Variants in PCGF2 observed in about 807,000 individuals in gnomAD.
PCGF2 encodes the protein polycomb group ring finger 2.
Under a neutral mutation model 36.1 loss-of-function variants are expected in PCGF2, and 8 were observed. That is an observed-to-expected ratio of 0.22 (90% confidence interval 0.13 to 0.40). The LOEUF (loss-of-function observed/expected upper bound fraction) is 0.40. Ranked by LOEUF, PCGF2 falls within the 10% of genes least tolerant of loss-of-function variation. The probability of loss-of-function intolerance (pLI) is 1.00; values close to 1 mark genes in which losing one functional copy is unlikely to be tolerated. For missense variants in PCGF2, 436 were observed against 475.9 expected, an observed-to-expected ratio of 0.92 and a Z score of 0.78; for synonymous variants, 198 against 191.2, an observed-to-expected ratio of 1.04 and a Z score of -0.29.
rs1054853767 is a variant in PCGF2, at chr17:38,748,212, G to A, written c.-150C>T. 5 of 147,396 alleles carry A rather than the reference G, an allele frequency of 3.4e-5. No homozygotes were observed. The highest frequency in any genetic ancestry group is 3.2e-3 in the Middle Eastern group (1 of 308). The allele number at this position is 147,396 out of a possible 1,614,324, so 9.1% of individuals were successfully genotyped here. A position where few individuals can be genotyped will look rare whatever the true frequency, so the allele number is the denominator to read the frequency against. On this transcript the variant is annotated 5_prime_UTR_variant, in exon 1 of 11. Coordinates refer to ENST00000620225, the MANE Select transcript of PCGF2 (RefSeq NM_007144.3). ...TCCGCTTACCTGGGTTCGGGGTCCGGTGGGTCTCGGGGAGGGGGGGATGGG... is the reference window on the plus strand; with the variant it reads ...TCCGCTTACCTGGGTTCGGGGTCCGATGGGTCTCGGGGAGGGGGGGATGGG...
At position 38,739,733 on chromosome 17, in the gene PCGF2, G is replaced by A. The variant is rs1907048821; in HGVS notation, c.113-51C>T. ...GAGTCAGAGCCAACTTCCAACTCCA[G>A]GACCAGCCTCCCCGCCCTCTGCTCA... On this transcript the variant is annotated intron_variant, in intron 3 of 10. Transcript: ENST00000620225. The surrounding 1 kb of genome is among the most constrained non-coding windows in gnomAD (Gnocchi z 4.0). 1.5e-6 allele frequency: 2 copies of A among 1,341,376 alleles called. No individual in the cohort carries two copies. Among genetic ancestry groups the A allele is most frequent in the Non-Finnish European group, 2.1e-6 (2 of 931,214 alleles). The allele number at this position is 1,341,376 out of a possible 1,614,324, so 83.1% of individuals were successfully genotyped here. A position where few individuals can be genotyped will look rare whatever the true frequency, so the allele number is the denominator to read the frequency against.
Position 38,735,366 on chromosome 17 carries a change from T to C in PCGF2, c.892A>G (p.Thr298Ala), listed in dbSNP as rs775970031. The change falls in exon 11 of 11, where the codon ACC (threonine) becomes GCC (alanine). Residue 298 changes from threonine to alanine, a missense_variant. By Grantham distance (58) the Thr-to-Ala change is moderately conservative. Transcript: ENST00000620225. ...GCTGTCGAAGGGGGAGTGGGGGAGG[T>C]AGGGTGGGTGGCTGGAGGCCCATGG... is the stretch of plus-strand genomic sequence containing the variant. ...SSHGPPATHPTSPTPPSTASG... is the reference protein window; with the variant it reads ...SSHGPPATHPASPTPPSTASG... 1 of 1,543,508 alleles carries C rather than the reference T, an allele frequency of 6.5e-7. No individual in the cohort carries two copies.
chr17:38,742,698 C>A (rs1907280069), intron 2 of PCGF2, among the ~76,000 whole-genome samples: 1 of 152,214 alleles, frequency 6.6e-6, no homozygotes, highest in Non-Finnish European at 1.5e-5. Context: ...TCCATAGTAA[C>A]CCTGTCCCTG....
In PCGF2 at chr17:38,735,078, T is replaced by C. The variant is rs1352350958; in HGVS notation, c.*145A>G. 3 of 416,002 alleles carry C rather than the reference T, an allele frequency of 7.2e-6. No homozygotes were observed. The highest frequency in any genetic ancestry group is 4.4e-5 in the Admixed American group (1 of 22,952). The allele number at this position is 416,002 out of a possible 1,614,324, so 25.8% of individuals were successfully genotyped here. A position where few individuals can be genotyped will look rare whatever the true frequency, so the allele number is the denominator to read the frequency against. ...GTATATTTGGTTTTTCCTATGTACA[T>C]ATATATATATATTTATTTATAAAAC... On this transcript the variant is annotated 3_prime_UTR_variant, in exon 11 of 11. Transcript: ENST00000620225.
intron 10 of PCGF2, 108 bp downstream of exon 10, chr17:38,735,982 G>A (rs932976282): frequency 1.3e-6 from 1 of 795,622 alleles, no homozygotes; most frequent in South Asian, 1.5e-5. Context: ...CAGCTCATGG[G>A]ATAAGGGACA....
rs748930737 is a variant in PCGF2, at chr17:38,738,737, C to T, written c.425+16G>A. ...AGACTAGGAACCCAGAAGGGGCCAG[C>T]CTGGGCCAGACTTGCCTGGCACCTT... On this transcript the variant is annotated intron_variant, in intron 7 of 10. Coordinates refer to ENST00000620225, the MANE Select transcript of PCGF2 (RefSeq NM_007144.3). 1.2e-6 allele frequency: 2 copies of T among 1,603,088 alleles called. No individual in the cohort carries two copies. The highest frequency in any genetic ancestry group is 1.7e-6 in the Non-Finnish European group (2 of 1,170,060).
rs370577333 is a variant in PCGF2, at chr17:38,735,478, G to A, written c.780C>T (p.Ser260=). The change falls in exon 11 of 11, where the codon AGC becomes AGT. Residue 260 remains serine (S), a synonymous_variant. Transcript: ENST00000620225. ...TSGASECESV[S]DKAPSPATLP... is the part of the protein sequence containing the mutation. ...GGGTGGCAGGGCTGGGAGCCTTGTC[G>A]CTGACTGACTCACACTCGGACGCCC... 2.0e-5 allele frequency: 32 copies of A among 1,591,900 alleles called. No individual in the cohort carries two copies. The African/African-American group carries it at 2.8e-4, about 14-fold the overall frequency.
chr17:38,738,468 C>T lies in PCGF2; in HGVS notation c.481-20G>A. 6.2e-7 allele frequency: 1 copy of T among 1,613,832 alleles called. No individual in the cohort carries two copies. Among genetic ancestry groups the T allele is most frequent in the Non-Finnish European group, 8.5e-7 (1 of 1,179,710 alleles). On this transcript the variant is annotated intron_variant, in intron 8 of 10. Transcript: ENST00000620225. ...CCCTGTCTGCTGGGGCACAGGCACC[C>T]ATGGTAGGGGATCCACCCCAGGCCA... is the stretch of plus-strand genomic sequence containing the variant.
At chr17:38,745,441 G>A (rs1907476536) in intron 2 of PCGF2, among the ~76,000 whole-genome samples, 2 of 152,250 alleles carry the variant, frequency 1.3e-5, no homozygotes, top group South Asian at 2.1e-4. Flanking sequence ...GGAGGCAGAG[G>A]TTGCAGTGAG....
intron 2 of PCGF2, among the ~76,000 whole-genome samples, chr17:38,743,064 C>T (rs931291712): frequency 6.6e-6 from 1 of 151,562 alleles, no homozygotes; most frequent in African/African-American, 2.4e-5. Context: ...CATTCACACA[C>T]TCGCTGTGTT....
At chr17:38,745,261 G>T (rs999903078) in intron 2 of PCGF2, among the ~76,000 whole-genome samples, 1 of 152,244 alleles carries the variant, frequency 6.6e-6, no homozygotes, top group Admixed American at 6.5e-5. Context: ...GAATCCAGGA[G>T]GCAGAGGTTG....
intron 10 of PCGF2, among the ~76,000 whole-genome samples, chr17:38,735,831 C>T (rs1284035272): frequency 6.6e-6 from 1 of 152,122 alleles, no homozygotes; most frequent in Admixed American, 6.5e-5. Flanking sequence ...GGGAGGCAAA[C>T]ACACGGCAGC....
chr17:38,735,612 G>T lies in PCGF2; in HGVS notation c.658-12C>A. The stretch of plus-strand genomic sequence containing the variant: ...GGGAGAGGCCCGTTCTGCGGGGAGA[G>T]TGGGGAGGAGAGACACAGGGAAGGG... On this transcript the variant is annotated splice_polypyrimidine_tract_variant and intron_variant, in intron 10 of 10. Transcript: ENST00000620225. The T allele has an allele frequency of 3.2e-6, 5 of 1,543,732 alleles. No homozygotes were observed. The highest frequency in any genetic ancestry group is 4.4e-6 in the Non-Finnish European group (5 of 1,140,474).
chr17:38,738,828 A>G lies in PCGF2; in HGVS notation c.350T>C (p.Val117Ala). The change falls in exon 7 of 11, where the codon GTC becomes GCC. Residue 117 changes from valine (V) to alanine (A), a missense_variant. By Grantham distance (64) the Val-to-Ala change is moderately conservative. Coordinates refer to ENST00000620225, the MANE Select transcript of PCGF2 (RefSeq NM_007144.3). Reference protein sequence around the residue: ...PNGSNEDRGEVLEQEKGALSD... With the variant: ...PNGSNEDRGEALEQEKGALSD... The stretch of plus-strand genomic sequence containing the variant: ...CAGAGCCCCCTTCTCCTGCTCCAAG[A>G]CCTCGCCGCGGTCCTCATTGGAGCC... 1 of 1,613,984 alleles carries G rather than the reference A, an allele frequency of 6.2e-7. No individual in the cohort carries two copies. Among genetic ancestry groups the G allele is most frequent in the Non-Finnish European group, 8.5e-7 (1 of 1,179,934 alleles).
intron 9 of PCGF2, among the ~76,000 whole-genome samples, chr17:38,737,950 T>C (rs1906892737): frequency 6.8e-6 from 1 of 146,418 alleles, no homozygotes; most frequent in Non-Finnish European, 1.5e-5. Context: ...ATCTACTAAA[T>C]AAATCAGAAT....
chr17:38,741,434 C>T (rs572146943), intron 2 of PCGF2, among the ~76,000 whole-genome samples: 3 of 152,282 alleles, frequency 2.0e-5, no homozygotes, highest in South Asian at 4.1e-4. Flanking sequence ...CTTACTCCCT[C>T]AACCCCTCCA....
chr17:38,738,727 A>C, intron 7 of PCGF2, 26 bp downstream of exon 7: 2 of 1,597,574 alleles, frequency 1.3e-6, no homozygotes, highest in South Asian at 2.2e-5. Context: ...AGGAACCCAG[A>C]AGGGGCCAGC....
At position 38,739,382 on chromosome 17, in the gene PCGF2, C is replaced by A; in HGVS notation, c.210-129G>T. The A allele has an allele frequency of 1.0e-6, 1 of 953,216 alleles. No homozygotes were observed. The highest frequency in any genetic ancestry group is 1.9e-5 in the Admixed American group (1 of 51,952). The allele number at this position is 953,216 out of a possible 1,614,324, so 59.0% of individuals were successfully genotyped here. A position where few individuals can be genotyped will look rare whatever the true frequency, so the allele number is the denominator to read the frequency against. Reference sequence around the variant, plus strand: ...AGACCGGTGCCCAGGCATTAGGATCCCTGTGGGTCTGGTCTTTGCCCCTCT... The same window carrying A: ...AGACCGGTGCCCAGGCATTAGGATCACTGTGGGTCTGGTCTTTGCCCCTCT... On this transcript the variant is annotated intron_variant, in intron 4 of 10. Coordinates refer to ENST00000620225, the MANE Select transcript of PCGF2 (RefSeq NM_007144.3). This position sits in a 1 kb window ranked among gnomAD's most constrained non-coding sequence, Gnocchi z 4.0.
rs745436910 is a variant in PCGF2 at position 38,740,278 on chromosome 17, C to A, written c.112+13G>T. On this transcript the variant is annotated intron_variant, in intron 3 of 10. Transcript: ENST00000620225. The stretch of plus-strand genomic sequence containing the variant: ...GCTGCCCACCCTGAGCAGCTCCCCT[C>A]CCCCCAACTCACAGGAATGCAGGCA... 4 of 1,608,432 alleles carry A rather than the reference C, an allele frequency of 2.5e-6. No homozygotes were observed. The highest frequency in any genetic ancestry group is 1.6e-4 in the Middle Eastern group (1 of 6,078).
Sources: allele counts gnomAD v4.1 joint callset (sites outside exome capture counted in the v4.1 genomes callset), GRCh38; gene constraint gnomAD v4.1.1; non-coding constraint Gnocchi (gnomAD v3.1); transcripts MANE v1.5; gene names NCBI Gene and HGNC (gene_info 2026-07-23, HGNC 2026-07-21).